Variants in FOXN3 observed in about 807,000 individuals in gnomAD.
The protein encoded by FOXN3 is forkhead box protein N3.
A neutral mutation model predicts 38.4 loss-of-function variants in FOXN3; 7 were observed. The ratio of observed to expected loss-of-function variants is 0.18; its 90% confidence interval spans 0.10 to 0.34. FOXN3 has a LOEUF of 0.34. FOXN3 is among the 10% of genes least tolerant of loss of function. The pLI is 1.00. For synonymous variants in FOXN3, 230 were observed against 242.2 expected (o/e 0.95, Z 0.47); for missense variants, 456 against 613.4 (o/e 0.74, Z 2.71).
At chr14:89,615,116 A>ATTTTTTTTTTTTTTTTTTT (rs374606775) in intron 1 of FOXN3, among the ~76,000 whole-genome samples, 3 of 106,784 alleles carry the variant, frequency 2.8e-5, no homozygotes, top group Non-Finnish European at 3.6e-5. Context: ...CCCAATTTCG[A>ATTTTTTTTTTTTTTTTTTT]TTTTTTTTTT....
intron 1 of FOXN3, among the ~76,000 whole-genome samples, chr14:89,425,060 T>TTC (rs1353530836): frequency 7.3e-5 from 6 of 82,728 alleles, no homozygotes; most frequent in African/African-American, 1.9e-4. Flanking sequence ...TTGTTTTCTT[T>TTC]TCTTTTTTTT....
intron 1 of FOXN3, among the ~76,000 whole-genome samples, chr14:89,447,014 T>C (rs953531870): frequency 1.3e-5 from 2 of 152,014 alleles, no homozygotes; most frequent in African/African-American, 4.8e-5. Flanking sequence ...CTGACTAACA[T>C]GGAGAAACCC....
At chr14:89,205,435 CA>C (rs987241606) in intron 4 of FOXN3, among the ~76,000 whole-genome samples, 3 of 152,202 alleles carry the variant, frequency 2.0e-5, no homozygotes, top group African/African-American at 7.2e-5. Context: ...CTTTCATGCC[CA>C]AAAAGTTGCC....
chr14:89,270,646 T>A (rs1213368503), intron 4 of FOXN3, among the ~76,000 whole-genome samples: 1 of 152,198 alleles, frequency 6.6e-6, no homozygotes, highest in African/African-American at 2.4e-5. Flanking sequence ...CTCTCCTAGT[T>A]ATGCTGCCTC....
chr14:89,231,213 GA>G (rs140684297), intron 4 of FOXN3, among the ~76,000 whole-genome samples: 349 of 147,394 alleles, frequency 2.4e-3, no homozygotes, highest in African/African-American at 8.2e-3. Flanking sequence ...TCTTTCTAAT[GA>G]AAAAAAAAAG....
intron 1 of FOXN3, among the ~76,000 whole-genome samples, chr14:89,582,504 T>C (rs1033282963): frequency 2.0e-5 from 3 of 149,760 alleles, no homozygotes; most frequent in African/African-American, 7.4e-5. Context: ...TTTTTTTTTT[T>C]TTTGAGACGG....
intron 1 of FOXN3, among the ~76,000 whole-genome samples, chr14:89,427,463 G>A (rs1192374385): frequency 3.4e-5 from 5 of 146,258 alleles, no homozygotes; most frequent in South Asian, 4.5e-4. Flanking sequence ...CCACCACTGC[G>A]CCCGGCTGAT....
chr14:89,400,493 A>T (rs1486351087), intron 2 of FOXN3, among the ~76,000 whole-genome samples: 4 of 152,146 alleles, frequency 2.6e-5, no homozygotes, highest in Non-Finnish European at 5.9e-5. Flanking sequence ...TGTTGGCACT[A>T]ACGCCCATCC....
intron 1 of FOXN3, among the ~76,000 whole-genome samples, chr14:89,566,448 A>T (rs544479912): frequency 1.3e-5 from 2 of 151,760 alleles, no homozygotes; most frequent in South Asian, 2.1e-4. Context: ...AATTTTTTTA[A>T]AAAAAAATGC....
At chr14:89,417,269 G>GAGGGCGGAGGGAGGGAC (rs1891770250), upstream of FOXN3, 1 of 147,544 alleles carries the variant, frequency 6.8e-6, no homozygotes, top group Admixed American at 6.7e-5. Flanking sequence ...GGGGAGGGAG[G>GAGGGCGGAGGGAGGGAC]AGGGCGGAGG....
intron 1 of FOXN3, among the ~76,000 whole-genome samples, chr14:89,413,795 GAAGA>G (rs1220628222): frequency 7.6e-6 from 1 of 131,024 alleles, no homozygotes; most frequent in Non-Finnish European, 1.6e-5. Flanking sequence ...GGAAGGGAAA[GAAGA>G]AAGGAAGGGA....
chr14:89,246,427 G>A (rs918254240), intron 4 of FOXN3, among the ~76,000 whole-genome samples: 4 of 151,890 alleles, frequency 2.6e-5, no homozygotes, highest in African/African-American at 7.3e-5. Flanking sequence ...CACAGGCTCC[G>A]AGTTCTGAGA....
At chr14:89,224,972 T>TA (rs1026154947) in intron 4 of FOXN3, among the ~76,000 whole-genome samples, 1 of 150,596 alleles carries the variant, frequency 6.6e-6, no homozygotes, top group African/African-American at 2.4e-5. Context: ...CTGCTAAAAA[T>TA]AAAAAAATTA....
intron 3 of FOXN3, among the ~76,000 whole-genome samples, chr14:89,309,320 C>T (rs956117393): frequency 2.0e-5 from 3 of 152,026 alleles, no homozygotes; most frequent in African/African-American, 7.2e-5. Context: ...CATCGGAACA[C>T]GAGATTGGGG....
intron 1 of FOXN3, among the ~76,000 whole-genome samples, chr14:89,561,069 C>T (rs243209): frequency 0.21 from 31,477 of 152,164 alleles, 3,888 homozygotes; most frequent in East Asian, 0.42. Context: ...GAGCAGAAGA[C>T]GGAGATCCAT....
At chr14:89,610,200 C>T (rs1896360432) in intron 1 of FOXN3, among the ~76,000 whole-genome samples, 1 of 152,076 alleles carries the variant, frequency 6.6e-6, no homozygotes, top group African/African-American at 2.4e-5. Flanking sequence ...GGGCACATGG[C>T]TTTCAGGCTT....
At chr14:89,177,005 CTTTCTT>C (rs1462169732) in intron 5 of FOXN3, among the ~76,000 whole-genome samples, 18 of 124,966 alleles carry the variant, frequency 1.4e-4, no homozygotes, top group African/African-American at 3.6e-4. Context: ...CTCTCTCTTT[CTTTCTT>C]TTTTTTTTTT....
intron 1 of FOXN3, among the ~76,000 whole-genome samples, chr14:89,610,314 G>C (rs1021092627): frequency 1.3e-5 from 2 of 152,138 alleles, no homozygotes; most frequent in Non-Finnish European, 2.9e-5. Context: ...AGCTTTCATA[G>C]ATCTCAAGTA....
chr14:89,588,127 C>A (rs1472158173), intron 1 of FOXN3, among the ~76,000 whole-genome samples: 4 of 152,096 alleles, frequency 2.6e-5, no homozygotes, highest in African/African-American at 9.7e-5. Flanking sequence ...TGACTTCTCG[C>A]AAGACCTGGT....
Sources: allele counts gnomAD v4.1 joint callset (sites outside exome capture counted in the v4.1 genomes callset), GRCh38; gene constraint gnomAD v4.1.1; transcripts MANE v1.5; gene names NCBI Gene and HGNC (gene_info 2026-07-23, HGNC 2026-07-21).